Variants in LRRTM4 observed in about 807,000 individuals in gnomAD.
LRRTM4 encodes leucine rich repeat transmembrane neuronal 4, also known as leucine-rich repeat transmembrane neuronal protein 4.
A neutral mutation model predicts 47.6 loss-of-function variants in LRRTM4; 25 were observed. The ratio of observed to expected loss-of-function variants is 0.53; its 90% CI spans 0.38 to 0.73. The LOEUF is 0.73. LRRTM4 is among the 30% of genes least tolerant of loss of function. The pLI, the probability that LRRTM4 is intolerant of heterozygous loss-of-function variation, is 0.00. For synonymous variants in LRRTM4, 311 were observed against 269.5 expected (o/e 1.15, Z -1.51); for missense variants, 638 against 713.4 (o/e 0.89, Z 1.20).
At chr2:77,095,486 A>C (rs1476283615) in intron 3 of LRRTM4, among the ~76,000 whole-genome samples, 2 of 151,012 alleles carry the variant, frequency 1.3e-5, no homozygotes, top group East Asian at 4.0e-4. Context: ...TAATAACCAA[A>C]ATATGAAATA....
chr2:77,354,086 G>C (rs1036038096), intron 3 of LRRTM4, among the ~76,000 whole-genome samples: 3 of 152,158 alleles, frequency 2.0e-5, no homozygotes, highest in African/African-American at 7.2e-5. Context: ...GAAAAGGAGT[G>C]TCAGCTTCTG....
chr2:77,215,944 T>C (rs1674423457), intron 3 of LRRTM4, among the ~76,000 whole-genome samples: 1 of 152,166 alleles, frequency 6.6e-6, no homozygotes, highest in African/African-American at 2.4e-5. Flanking sequence ...AAATTCTGGG[T>C]CAGTAAGAGC....
chr2:77,196,709 C>A (rs988633481), intron 3 of LRRTM4, among the ~76,000 whole-genome samples: 4 of 151,962 alleles, frequency 2.6e-5, no homozygotes, highest in Non-Finnish European at 5.9e-5. Flanking sequence ...CCACTGCAAT[C>A]CAGTTTGGAT....
At chr2:77,113,378 C>G (rs1015501213) in intron 3 of LRRTM4, among the ~76,000 whole-genome samples, 2 of 152,090 alleles carry the variant, frequency 1.3e-5, no homozygotes, top group African/African-American at 2.4e-5. Flanking sequence ...TACAAGCATC[C>G]TTGAATTCTT....
intron 3 of LRRTM4, among the ~76,000 whole-genome samples, chr2:76,998,377 T>G (rs1047953220): frequency 1.2e-4 from 18 of 151,872 alleles, no homozygotes; most frequent in Admixed American, 4.0e-4. Context: ...ATGCAGTATC[T>G]TCCCAGGGCA....
Position 76,935,414 on chromosome 2 carries a change from A to G in LRRTM4, c.1552-186498T>C, listed in dbSNP as rs529110158. Among the ~76,000 whole-genome samples, 173 of 152,252 alleles carry G rather than the reference A, an allele frequency of 1.1e-3. 1 individual carries two copies. Among genetic ancestry groups the G allele is most frequent in the African/African-American group, 3.9e-3 (163 of 41,558 alleles). ...AAGTCAATGGTAGCTTGATGGGAAT[A>G]GCATTGCATCTATAAATTACTTTGG... is the stretch of plus-strand genomic sequence containing the variant. On this transcript the variant is annotated intron_variant, in intron 3 of 3. Coordinates refer to ENST00000409884, the MANE Select transcript of LRRTM4 (RefSeq NM_001134745.3).
Position 77,522,079 on chromosome 2 carries a change from G to C in LRRTM4, c.-148+30C>G, listed in dbSNP as rs970653618. 6 of 715,574 alleles carry C rather than the reference G, an allele frequency of 8.4e-6. No individual in the cohort carries two copies. The African/African-American group carries it at 8.8e-5, about 10-fold the overall frequency. The allele number at this position is 715,574 out of a possible 1,614,324, so 44.3% of individuals were successfully genotyped here. On this transcript the variant is annotated intron_variant, in intron 1 of 3. Transcript: ENST00000409884. ...GAGGTAACCAACTTCTCTGTAAAAA[G>C]AGAGGAAAAAAAGAAAATCTTCAGA...
At chr2:77,018,158 C>T (rs1678137057) in intron 3 of LRRTM4, among the ~76,000 whole-genome samples, 1 of 140,982 alleles carries the variant, frequency 7.1e-6, no homozygotes, top group Non-Finnish European at 1.5e-5. Context: ...TATTTAATTT[C>T]TGTTGTGTGA....
intron 3 of LRRTM4, among the ~76,000 whole-genome samples, chr2:76,819,302 T>C (rs1670990953): frequency 1.3e-5 from 2 of 151,784 alleles, no homozygotes; most frequent in South Asian, 4.1e-4. Flanking sequence ...ATGAGGAAAC[T>C]GAATCATGGA....
intron 3 of LRRTM4, among the ~76,000 whole-genome samples, chr2:77,105,162 C>T (rs1387052690): frequency 6.6e-6 from 1 of 151,958 alleles, no homozygotes; most frequent in Non-Finnish European, 1.5e-5. Context: ...TATTTGGATG[C>T]TGAGTATAAC....
chr2:77,416,536 C>A (rs1001760505), intron 3 of LRRTM4, among the ~76,000 whole-genome samples: 2 of 151,994 alleles, frequency 1.3e-5, no homozygotes, highest in Non-Finnish European at 2.9e-5. Context: ...ATTAAAATGG[C>A]TACAAATTCA....
chr2:76,800,308 A>G (rs1675595349), intron 3 of LRRTM4, among the ~76,000 whole-genome samples: 1 of 148,910 alleles, frequency 6.7e-6, no homozygotes, highest in African/African-American at 2.5e-5. Context: ...GCATATCTAC[A>G]ACTATCTGAT....
In LRRTM4 at chr2:77,518,303, G is replaced by C. The variant is rs768089547; in HGVS notation, c.1551+15C>G. 8.2e-6 allele frequency: 13 copies of C among 1,582,966 alleles called. No individual in the cohort carries two copies. The South Asian group carries it at 1.2e-4, about 14-fold the overall frequency. ...CCCGCAGTAGAAATGCTTTTAGGAG[G>C]ATCATGGTTCATACCTCACATTCCC... On this transcript the variant is annotated intron_variant, in intron 3 of 3. Transcript: ENST00000409884.
chr2:76,862,584 G>T (rs142002877), intron 3 of LRRTM4, among the ~76,000 whole-genome samples: 4 of 152,206 alleles, frequency 2.6e-5, no homozygotes, highest in East Asian at 1.9e-4. Flanking sequence ...CTGACCGAAA[G>T]AAAAAGAAGG....
At chr2:77,460,623 AATTG>A (rs1676752321) in intron 3 of LRRTM4, among the ~76,000 whole-genome samples, 1 of 152,188 alleles carries the variant, frequency 6.6e-6, no homozygotes, top group South Asian at 2.1e-4. Flanking sequence ...GTAATAAGTT[AATTG>A]ATTATGAAGT....
chr2:76,936,836 C>G (rs1674967346), intron 3 of LRRTM4, among the ~76,000 whole-genome samples: 1 of 150,798 alleles, frequency 6.6e-6, no homozygotes, highest in African/African-American at 2.4e-5. Context: ...CAACTGTAAT[C>G]CCAGCTACTC....
intron 3 of LRRTM4, among the ~76,000 whole-genome samples, chr2:76,979,551 ATGCTCTTCC>A (rs1553439572): frequency 2.0e-5 from 3 of 149,072 alleles, no homozygotes; most frequent in African/African-American, 5.0e-5. Context: ...GTATATATAT[ATGCTCTTCC>A]TCTATATATA....
intron 3 of LRRTM4, among the ~76,000 whole-genome samples, chr2:76,863,561 T>C (rs1043873526): frequency 1.1e-4 from 16 of 152,146 alleles, no homozygotes; most frequent in Non-Finnish European, 1.8e-4. Context: ...TCCTGAACTC[T>C]CTGACATCAA....
chr2:77,467,744 A>G (rs146840608), intron 3 of LRRTM4, among the ~76,000 whole-genome samples: 24 of 152,366 alleles, frequency 1.6e-4, no homozygotes, highest in Middle Eastern at 3.4e-3. Flanking sequence ...TCATACATTT[A>G]TAATAAAAAT....
Sources: allele counts gnomAD v4.1 joint callset (sites outside exome capture counted in the v4.1 genomes callset), GRCh38; gene constraint gnomAD v4.1.1; transcripts MANE v1.5; gene names NCBI Gene and HGNC (gene_info 2026-07-23, HGNC 2026-07-21).